Variants in PPA1 observed in about 807,000 individuals in gnomAD.
PPA1 encodes inorganic pyrophosphatase.
In PPA1, 23 loss-of-function variants were observed where a neutral mutation model predicts 41.8. The observed-to-expected ratio is 0.55, with a 90% confidence interval of 0.40 to 0.78. PPA1 has a LOEUF of 0.78. Ranked by LOEUF, PPA1 falls within the 30% of genes least tolerant of loss-of-function variation. The probability of loss-of-function intolerance (pLI) is 0.00; values close to 1 mark genes in which losing one functional copy is unlikely to be tolerated. For missense variants in PPA1, 320 were observed against 361.6 expected (o/e 0.89, Z 0.93); for synonymous variants, 101 against 116.8 (o/e 0.86, Z 0.87).
At position 70,230,286 on chromosome 10, in the gene PPA1, G is replaced by A. The variant is rs1840275995; in HGVS notation, c.123+55C>T. Reference sequence around the variant, plus strand: ...GAGAGACATATAAGAAAATTCATATGTAGAACTAGCTGATCTGAGTAAAGA... The same window carrying A: ...GAGAGACATATAAGAAAATTCATATATAGAACTAGCTGATCTGAGTAAAGA... On this transcript the variant is annotated intron_variant, in intron 2 of 10. Coordinates refer to ENST00000373232, the MANE Select transcript of PPA1 (RefSeq NM_021129.4). 2.5e-6 allele frequency: 4 copies of A among 1,576,894 alleles called. No homozygotes were observed. In the Admixed American group the frequency reaches 7.0e-5, roughly 27 times the overall value.
intron 8 of PPA1, 36 bp downstream of exon 8, chr10:70,209,169 C>A: frequency 6.9e-7 from 1 of 1,442,404 alleles, no homozygotes. Flanking sequence ...AGCTGGTCTG[C>A]TTTGTGTGTT....
rs764162399 is a variant in PPA1 at position 70,230,374 on chromosome 10, A to C, written c.90T>G (p.Ser30=). The C allele has an allele frequency of 6.2e-7, 1 of 1,612,632 alleles. No individual in the cohort carries two copies. Among genetic ancestry groups the C allele is most frequent in the Non-Finnish European group, 8.5e-7 (1 of 1,179,282 alleles). Residue 30 remains serine, a synonymous_variant, in exon 2 of 11, where the codon TCT becomes TCG. Transcript: ENST00000373232. ...FLKNEKGQYI[S]PFHDIPIYAD... ...CATAAATTGGAATATCATGAAATGG[A>C]GATATATATTGTCCTTTCTCATTTT...
At chr10:70,216,633 A>G (rs1840085121) in intron 4 of PPA1, among the ~76,000 whole-genome samples, 1 of 152,254 alleles carries the variant, frequency 6.6e-6, no homozygotes, top group African/African-American at 2.4e-5. Context: ...GTTCCATTTA[A>G]CAGACTTCAT....
chr10:70,222,104 G>A lies in PPA1; in HGVS notation c.124-3287C>T, dbSNP rs1396863487. Among the ~76,000 whole-genome samples the A allele has an allele frequency of 2.0e-5, 3 of 152,028 alleles. No homozygotes were observed. In the East Asian group the frequency reaches 5.8e-4, roughly 29 times the overall value. ...TAATCATAGCACTTTGGGAGGCCGAGGTGGGCGGATTATGAGGTCAGGAGA... is the reference window on the plus strand; with the variant it reads ...TAATCATAGCACTTTGGGAGGCCGAAGTGGGCGGATTATGAGGTCAGGAGA... On this transcript the variant is annotated intron_variant, in intron 2 of 10. Coordinates refer to ENST00000373232, the MANE Select transcript of PPA1 (RefSeq NM_021129.4).
chr10:70,215,431 G>A (rs1589893224), intron 4 of PPA1, among the ~76,000 whole-genome samples: 3 of 152,038 alleles, frequency 2.0e-5, no homozygotes, highest in East Asian at 1.9e-4. Context: ...GAAGTAGATA[G>A]GCAATAATAG....
chr10:70,223,127 G>A (rs577048557), intron 2 of PPA1, among the ~76,000 whole-genome samples: 8 of 152,196 alleles, frequency 5.3e-5, no homozygotes, highest in South Asian at 4.1e-4. Flanking sequence ...CACTTTGGGA[G>A]GCAGAGGCAG....
intron 8 of PPA1, among the ~76,000 whole-genome samples, chr10:70,208,492 AT>A (rs980036287): frequency 6.6e-6 from 1 of 150,988 alleles, no homozygotes; most frequent in Non-Finnish European, 1.5e-5. Context: ...TGCCTGGCTA[AT>A]TTTTTTTTAA....
chr10:70,219,835 A>C (rs1331446256), intron 2 of PPA1, among the ~76,000 whole-genome samples: 1 of 152,256 alleles, frequency 6.6e-6, no homozygotes, highest in Non-Finnish European at 1.5e-5. Context: ...TAGGTTATTT[A>C]ATTAAACTTG....
Position 70,213,587 on chromosome 10 carries a change from T to C in PPA1, c.387A>G (p.Val129=). The change falls in exon 6 of 11, where the codon GTA becomes GTG. Residue 129 remains valine, a splice_region_variant and synonymous_variant. Transcript: ENST00000373232. The part of the protein sequence containing the change: ...PIDVCEIGSK[V]CARGEIIGVK... ...CGCCAATTATTTCACCTCTTGCACA[T>C]ACCTGAGAGTCAATAGCCAAAGTCA... is the stretch of plus-strand genomic sequence containing the variant. 1.2e-6 allele frequency: 2 copies of C among 1,613,612 alleles called. No homozygotes were observed. Among genetic ancestry groups the C allele is most frequent in the Middle Eastern group, 1.7e-4 (1 of 6,060 alleles).
chr10:70,231,751 T>C (rs1432840964), intron 1 of PPA1, among the ~76,000 whole-genome samples: 1 of 152,052 alleles, frequency 6.6e-6, no homozygotes, highest in African/African-American at 2.4e-5. Context: ...TTCTAATTAT[T>C]AGTATTTCTT....
rs893714420 is a variant in PPA1 at position 70,217,908 on chromosome 10, G to A, written c.201C>T (p.Asn67=). 2 of 1,588,460 alleles carry A rather than the reference G, an allele frequency of 1.3e-6. No homozygotes were observed. Among genetic ancestry groups the A allele is most frequent in the Non-Finnish European group, 1.7e-6 (2 of 1,165,756 alleles). ...KMEIATKDPL[N]PIKQDVKKGK... ...CTTTTTTCACATCTTGTTTAATAGG[G>A]TTTAAAGGGTCCTTTGTAGCAATCT... The change falls in exon 4 of 11, where the codon AAC becomes AAT. Residue 67 remains asparagine (N), a synonymous_variant. Coordinates refer to ENST00000373232, the MANE Select transcript of PPA1 (RefSeq NM_021129.4).
chr10:70,221,078 T>TATATATA (rs1564584674), intron 2 of PPA1, among the ~76,000 whole-genome samples: 2 of 9,968 alleles, frequency 2.0e-4, no homozygotes, highest in African/African-American at 5.5e-4. Flanking sequence ...ATATATATAT[T>TATATATA]TTTTTTTTTT....
At chr10:70,221,076 A>ATATTTTTTTTTTTT (rs1224550178) in intron 2 of PPA1, among the ~76,000 whole-genome samples, 2 of 40,026 alleles carry the variant, frequency 5.0e-5, no homozygotes, top group South Asian at 6.2e-4. Context: ...ATATATATAT[A>ATATTTTTTTTTTTT]TTTTTTTTTT....
intron 2 of PPA1, among the ~76,000 whole-genome samples, chr10:70,220,923 T>C (rs867697449): frequency 0.085 from 306 of 3,610 alleles, 58 homozygotes; most frequent in African/African-American, 0.092. Context: ...TATATATAAT[T>C]TTTATATATA....
intron 2 of PPA1, among the ~76,000 whole-genome samples, chr10:70,221,248 T>C (rs1005524901): frequency 6.7e-6 from 1 of 149,556 alleles, no homozygotes; most frequent in Non-Finnish European, 1.5e-5. Flanking sequence ...CACAAGGGAA[T>C]AAGTCAAAGG....
At chr10:70,211,063 G>A (rs1030329992) in intron 6 of PPA1, among the ~76,000 whole-genome samples, 5 of 152,158 alleles carry the variant, frequency 3.3e-5, no homozygotes, top group East Asian at 1.9e-4. Flanking sequence ...GCGCCCGGCC[G>A]CTTCAATCCA....
intron 1 of PPA1, among the ~76,000 whole-genome samples, chr10:70,232,750 G>A (rs894671898): frequency 2.0e-5 from 3 of 152,116 alleles, no homozygotes; most frequent in Admixed American, 6.5e-5. Context: ...CTCCCGATCC[G>A]GGCCTCAGTT....
intron 6 of PPA1, among the ~76,000 whole-genome samples, chr10:70,212,588 A>G (rs1223135402): frequency 6.6e-6 from 1 of 152,208 alleles, no homozygotes; most frequent in East Asian, 1.9e-4. Flanking sequence ...CAGCAACAAC[A>G]AAGATCCATA....
chr10:70,211,088 T>C (rs1009537594), intron 6 of PPA1, among the ~76,000 whole-genome samples: 6 of 152,168 alleles, frequency 3.9e-5, no homozygotes, highest in African/African-American at 1.4e-4. Context: ...ATAATCTGCA[T>C]AAAGAATAGC....
Sources: gnomAD v4.1 joint callset for allele counts (sites outside exome capture counted in the v4.1 genomes callset) on GRCh38, gnomAD v4.1.1 for gene constraint, MANE v1.5 for transcripts, NCBI Gene and HGNC (gene_info 2026-07-23, HGNC 2026-07-21) for gene names.